The following UNK variants were observed in gnomAD, a reference collection of about 807,000 sequenced individuals.
UNK encodes unk zinc finger, also known as RING finger protein unkempt homolog.
A neutral mutation model predicts 97.6 loss-of-function variants in UNK; 32 were observed. The observed-to-expected ratio is 0.33, with a 90% confidence interval of 0.25 to 0.44. UNK has a LOEUF of 0.44. Ranked by LOEUF, UNK falls within the 20% of genes least tolerant of loss-of-function variation. The pLI, the probability that UNK is intolerant of heterozygous loss-of-function variation, is 1.00. For synonymous variants in UNK, 441 were observed against 461.2 expected, an observed-to-expected ratio of 0.96 and a Z score of 0.56; for missense variants, 771 against 1,098.4, an observed-to-expected ratio of 0.70 and a Z score of 4.21.
intron 1 of UNK, among the ~76,000 whole-genome samples, chr17:75,790,454 G>C (rs1184497803): frequency 6.6e-6 from 1 of 151,864 alleles, no homozygotes; most frequent in African/African-American, 2.4e-5. Context: ...AACATAGCAA[G>C]ACCTCCTCTC....
intron 6 of UNK, 145 bp downstream of exon 6, chr17:75,814,023 G>A: frequency 1.4e-6 from 1 of 697,834 alleles, no homozygotes; most frequent in Non-Finnish European, 2.3e-6. Context: ...GCAGTGCCTA[G>A]AGGATCCCTG....
intron 1 of UNK, among the ~76,000 whole-genome samples, chr17:75,787,420 A>T (rs549113597): frequency 6.6e-6 from 1 of 151,286 alleles, no homozygotes; most frequent in East Asian, 2.0e-4. Context: ...TGCCCAGCCT[A>T]GTCTCGAACT....
chr17:75,790,962 T>C (rs1016648941), intron 1 of UNK, among the ~76,000 whole-genome samples: 2 of 152,042 alleles, frequency 1.3e-5, no homozygotes. Context: ...AAAATAAAAA[T>C]AAATAAATAA....
At chr17:75,812,983 C>T (rs2061983926) in intron 4 of UNK, 95 bp from the exon 5 acceptor site, 1 of 1,454,258 alleles carries the variant, frequency 6.9e-7, no homozygotes. Flanking sequence ...TGAACTCCTT[C>T]CCAGTGGCTT....
chr17:75,788,810 T>C (rs2061737205), intron 1 of UNK, among the ~76,000 whole-genome samples: 1 of 152,200 alleles, frequency 6.6e-6, no homozygotes, highest in Non-Finnish European at 1.5e-5. Context: ...TCACCTGGAC[T>C]TTCTTATACA....
At chr17:75,791,303 T>G (rs1446581840) in intron 1 of UNK, among the ~76,000 whole-genome samples, 1 of 152,242 alleles carries the variant, frequency 6.6e-6, no homozygotes, top group Non-Finnish European at 1.5e-5. Flanking sequence ...CATAGATAAC[T>G]CTTTTCAGGC....
At chr17:75,812,940 G>A (rs2061983562) in intron 4 of UNK, 138 bp from the exon 5 acceptor site, 2 of 1,249,652 alleles carry the variant, frequency 1.6e-6, no homozygotes, top group Non-Finnish European at 2.2e-6. Flanking sequence ...GGGAGGAGGG[G>A]CCCTACTCAC....
intron 1 of UNK, among the ~76,000 whole-genome samples, chr17:75,792,910 A>G (rs2061774894): frequency 6.6e-6 from 1 of 152,250 alleles, no homozygotes; most frequent in Non-Finnish European, 1.5e-5. Flanking sequence ...GCCTATTGCC[A>G]AGGCTCAGCA....
rs574128311 is a variant in UNK at position 75,822,139 on chromosome 17, G to C, written c.1838-338G>C. Among the ~76,000 whole-genome samples, 14 of 152,272 alleles carry C rather than the reference G, an allele frequency of 9.2e-5. 1 individual carries two copies. The South Asian group carries it at 1.0e-3, about 11-fold the overall frequency. On this transcript the variant is annotated intron_variant, in intron 13 of 15. Transcript: ENST00000589666. ...GCCACAATCATAAATTGCCACTATC[G>C]GGGGCCTGGGACTGCTCTCACATGC...
intron 13 of UNK, among the ~76,000 whole-genome samples, chr17:75,820,419 G>A (rs935197932): frequency 2.0e-5 from 3 of 152,232 alleles, no homozygotes; most frequent in Non-Finnish European, 4.4e-5. Flanking sequence ...AGGGGTCTCA[G>A]TTGCCAGGGC....
At position 75,816,672 on chromosome 17, in the gene UNK, C is replaced by A; in HGVS notation, c.962-98C>A. On this transcript the variant is annotated intron_variant, in intron 7 of 15. Coordinates refer to ENST00000589666, the MANE Select transcript of UNK (RefSeq NM_001080419.3). This position sits in a 1 kb window ranked among gnomAD's most constrained non-coding sequence, Gnocchi z 4.0. Reference sequence around the variant, plus strand: ...GTCGTAGGAACCTTCCCTTTATGTGCAGGGGGATTTGTGGTCTCCTTTGGA... The same window carrying A: ...GTCGTAGGAACCTTCCCTTTATGTGAAGGGGGATTTGTGGTCTCCTTTGGA... 4.3e-6 allele frequency: 6 copies of A among 1,411,132 alleles called. No individual in the cohort carries two copies. The highest frequency in any genetic ancestry group is 3.8e-6 in the Non-Finnish European group (4 of 1,065,874). 87.4% of individuals were successfully genotyped at this position (1,411,132 alleles called of 1,614,324 possible).
chr17:75,811,711 A>G (rs1423974279), intron 2 of UNK, among the ~76,000 whole-genome samples: 2 of 152,180 alleles, frequency 1.3e-5, no homozygotes, highest in East Asian at 3.8e-4. Flanking sequence ...GGGAAAGGCC[A>G]GGCGCAGTGG....
In UNK at chr17:75,818,079, C is replaced by T. The variant is rs757254848; in HGVS notation, c.1306-24C>T. 9.3e-6 allele frequency: 15 copies of T among 1,612,038 alleles called. No homozygotes were observed. Among genetic ancestry groups the T allele is most frequent in the East Asian group, 6.7e-5 (3 of 44,850 alleles). ...GGGACCCCCCAGCACCACATTCATC[C>T]ACTCCCTGAATTTTCTCTCTCAGGC... On this transcript the variant is annotated intron_variant, in intron 9 of 15. Coordinates refer to ENST00000589666, the MANE Select transcript of UNK (RefSeq NM_001080419.3). The surrounding 1 kb of genome is among the most constrained non-coding windows in gnomAD (Gnocchi z 5.1).
chr17:75,787,459 A>G (rs1251153627), intron 1 of UNK, among the ~76,000 whole-genome samples: 1 of 150,230 alleles, frequency 6.7e-6, no homozygotes, highest in East Asian at 2.0e-4. Flanking sequence ...CAAGCAATCT[A>G]CTGTTGGGCC....
intron 1 of UNK, among the ~76,000 whole-genome samples, chr17:75,796,046 G>A (rs770927799): frequency 2.6e-5 from 4 of 152,142 alleles, no homozygotes; most frequent in Admixed American, 1.3e-4. Flanking sequence ...GCCCAGGTGC[G>A]GTAGGGAGTT....
Position 75,808,617 on chromosome 17 carries a change from G to A in UNK, c.105-1143G>A, listed in dbSNP as rs2061940285. On this transcript the variant is annotated intron_variant, in intron 1 of 15. Coordinates refer to ENST00000589666, the MANE Select transcript of UNK (RefSeq NM_001080419.3). Reference sequence around the variant, plus strand: ...TCCTTCCTGCATCCCAGCCTGGGTCGAGGATCCCTTTTTTGGATTGACTTC... The same window carrying A: ...TCCTTCCTGCATCCCAGCCTGGGTCAAGGATCCCTTTTTTGGATTGACTTC... Among the ~76,000 whole-genome samples, 6 of 151,994 alleles carry A rather than the reference G, an allele frequency of 3.9e-5. No individual in the cohort carries two copies. The South Asian group carries it at 8.3e-4, about 21-fold the overall frequency.
At chr17:75,823,674 G>T (rs1271427982) in intron 15 of UNK, among the ~76,000 whole-genome samples, 152 bp downstream of exon 15, 2 of 152,232 alleles carry the variant, frequency 1.3e-5, no homozygotes, top group Non-Finnish European at 2.9e-5. Flanking sequence ...GGCCTGCTGG[G>T]AATGGGTGAG....
At chr17:75,811,315 G>A (rs759284431) in intron 2 of UNK, among the ~76,000 whole-genome samples, 40 of 152,232 alleles carry the variant, frequency 2.6e-4, no homozygotes, top group South Asian at 1.5e-3. Context: ...GTGTTGCCCA[G>A]GCTGGTCTCA....
intron 1 of UNK, among the ~76,000 whole-genome samples, chr17:75,805,308 G>A (rs1430118455): frequency 6.6e-6 from 1 of 151,232 alleles, no homozygotes; most frequent in Non-Finnish European, 1.5e-5. Flanking sequence ...TGAAGTGGGA[G>A]GATCGCCTGA....
Sources: allele counts gnomAD v4.1 joint callset (sites outside exome capture counted in the v4.1 genomes callset), GRCh38; gene constraint gnomAD v4.1.1; non-coding constraint Gnocchi (gnomAD v3.1); transcripts MANE v1.5; gene names NCBI Gene and HGNC (gene_info 2026-07-23, HGNC 2026-07-21).